TTC23: variants seen among roughly 807,000 people sequenced by gnomAD.
TTC23 encodes the protein tetratricopeptide repeat protein 23.
TTC23 carries 58 observed loss-of-function variants against 55.1 expected under a neutral mutation model. That is an observed-to-expected ratio of 1.05 (90% CI 0.85 to 1.31). The LOEUF (loss-of-function observed/expected upper bound fraction) is 1.31. Ranked by LOEUF, TTC23 falls within the 50% of genes most tolerant of loss-of-function variation. The pLI, the probability that TTC23 is intolerant of heterozygous loss-of-function variation, is 0.00. For synonymous variants in TTC23, 203 were observed against 199.9 expected (o/e 1.02, Z -0.13); for missense variants, 516 against 534.4 (o/e 0.97, Z 0.34).
At chr15:99,233,472 A>C (rs1334426101) in intron 4 of TTC23, among the ~76,000 whole-genome samples, 1 of 152,188 alleles carries the variant, frequency 6.6e-6, no homozygotes, top group Non-Finnish European at 1.5e-5. Context: ...AGCCCAAAAT[A>C]TTAATAAAAA....
In TTC23 at chr15:99,158,822, C is replaced by T. The variant is rs557039915; in HGVS notation, c.994-2525G>A. 15 of 152,584 alleles carry T rather than the reference C, an allele frequency of 9.8e-5. No individual in the cohort carries two copies. The East Asian group carries it at 1.7e-3, about 18-fold the overall frequency. 9.5% of individuals were successfully genotyped at this position (152,584 alleles called of 1,614,324 possible). Reference sequence around the variant, plus strand: ...TTGGCTCCGGGACTGTCCCTGGGCCCGGCCCTTGTTGGCCAACACCTGCTA... The same window carrying T: ...TTGGCTCCGGGACTGTCCCTGGGCCTGGCCCTTGTTGGCCAACACCTGCTA... On this transcript the variant is annotated intron_variant, in intron 11 of 13. Coordinates refer to ENST00000394132, the MANE Select transcript of TTC23 (RefSeq NM_001288615.3).
At chr15:99,172,333 T>C (rs1225478317) in intron 10 of TTC23, among the ~76,000 whole-genome samples, 2 of 152,186 alleles carry the variant, frequency 1.3e-5, no homozygotes, top group Non-Finnish European at 2.9e-5. Context: ...TCTGAGTGCA[T>C]GTCACCGAAT....
intron 9 of TTC23, among the ~76,000 whole-genome samples, chr15:99,185,868 T>C (rs2074613298): frequency 6.6e-6 from 1 of 152,230 alleles, no homozygotes. Context: ...TTTATTTTTC[T>C]TCATTTTAAT....
intron 11 of TTC23, 108 bp downstream of exon 11, chr15:99,161,632 A>G (rs922866736): frequency 3.5e-5 from 46 of 1,305,882 alleles, no homozygotes; most frequent in Non-Finnish European, 4.7e-5. Flanking sequence ...AGAGACTGGC[A>G]CATGCTTTGC....
chr15:99,150,090 C>T lies in TTC23; in HGVS notation c.1143+6058G>A, dbSNP rs1023412106. 6.6e-5 allele frequency among the ~76,000 whole-genome samples: 10 copies of T among 152,212 alleles called. No individual in the cohort carries two copies. The South Asian group carries it at 1.0e-3, about 16-fold the overall frequency. On this transcript the variant is annotated intron_variant, in intron 12 of 13. Transcript: ENST00000394132. Reference sequence around the variant, plus strand: ...AGTGGCAGGCAATGCCTTGGCTCTGCGTTTTCCTCTCTCCTGCAGAGGTGC... The same window carrying T: ...AGTGGCAGGCAATGCCTTGGCTCTGTGTTTTCCTCTCTCCTGCAGAGGTGC...
chr15:99,237,889 T>C (rs1321454261), intron 3 of TTC23, among the ~76,000 whole-genome samples: 1 of 152,200 alleles, frequency 6.6e-6, no homozygotes, highest in Non-Finnish European at 1.5e-5. Context: ...CCATTCCTCC[T>C]CTTCAAACTC....
chr15:99,182,443 C>T (rs1377154281), intron 9 of TTC23, among the ~76,000 whole-genome samples: 1 of 152,106 alleles, frequency 6.6e-6, no homozygotes, highest in African/African-American at 2.4e-5. Context: ...TTTATGTTTC[C>T]TCTTCTGTAA....
At chr15:99,200,863 T>C (rs142033955) in intron 8 of TTC23, among the ~76,000 whole-genome samples, 4 of 152,354 alleles carry the variant, frequency 2.6e-5, no homozygotes, top group African/African-American at 9.6e-5. Flanking sequence ...TTACAGTAAG[T>C]ACATCTATAC....
At chr15:99,180,605 C>G (rs1483709605) in intron 9 of TTC23, among the ~76,000 whole-genome samples, 1 of 152,200 alleles carries the variant, frequency 6.6e-6, no homozygotes, top group Non-Finnish European at 1.5e-5. Context: ...AGAGACACTT[C>G]TATTTCTGCA....
intron 8 of TTC23, 141 bp from the exon 9 acceptor site, chr15:99,200,237 G>C (rs1241237284): frequency 1.4e-6 from 1 of 731,696 alleles, no homozygotes; most frequent in Non-Finnish European, 2.0e-6. Context: ...TTTCCTCCAA[G>C]AGCCAGCAGG....
intron 3 of TTC23, among the ~76,000 whole-genome samples, chr15:99,241,109 GA>G (rs2079752625): frequency 6.6e-6 from 1 of 152,152 alleles, no homozygotes. Context: ...CTGAGGTCGG[GA>G]GTTCGAGGCC....
intron 8 of TTC23, among the ~76,000 whole-genome samples, chr15:99,212,645 T>C (rs890368037): frequency 2.6e-5 from 4 of 152,128 alleles, no homozygotes; most frequent in African/African-American, 9.7e-5. Context: ...GCTGTTGCGA[T>C]GGGCACCATA....
intron 9 of TTC23, among the ~76,000 whole-genome samples, chr15:99,191,926 C>T (rs1435234379): frequency 6.6e-6 from 1 of 152,156 alleles, no homozygotes; most frequent in African/African-American, 2.4e-5. Flanking sequence ...CAATACAGTC[C>T]AGGCTGAGGT....
In TTC23 at chr15:99,219,175, T is replaced by A. The variant is rs1567517782; in HGVS notation, c.305-127A>T. ...TTGTCAAATGACACATGGAGACGTA[T>A]CTGGGCAGCATGAAACACTGCCATG... On this transcript the variant is annotated intron_variant, in intron 6 of 13. Coordinates refer to ENST00000394132, the MANE Select transcript of TTC23 (RefSeq NM_001288615.3). 22 of 1,060,118 alleles carry A rather than the reference T, an allele frequency of 2.1e-5. 1 individual carries two copies. The South Asian group carries it at 3.8e-4, about 18-fold the overall frequency. 65.7% of individuals were successfully genotyped at this position (1,060,118 alleles called of 1,614,324 possible). A position where few individuals can be genotyped will look rare whatever the true frequency, so the allele number is the denominator to read the frequency against.
chr15:99,182,248 TCACACACACACA>T (rs56223763), intron 9 of TTC23, among the ~76,000 whole-genome samples: 2 of 108,692 alleles, frequency 1.8e-5, no homozygotes, highest in East Asian at 2.8e-4. Flanking sequence ...TCTCTCTCTC[TCACACACACACA>T]CACACACACA....
chr15:99,242,269 A>G (rs1265059444), intron 2 of TTC23, among the ~76,000 whole-genome samples: 1 of 152,166 alleles, frequency 6.6e-6, no homozygotes, highest in African/African-American at 2.4e-5. Flanking sequence ...AAGATAAAAA[A>G]TACCAAAAAA....
rs559153095 is a variant in TTC23, at chr15:99,219,138, C to T, written c.305-90G>A. ...TTATGGTCTGGGAATCTAACAAGGT[C>T]TCCTTCACATATTGTCAAATGACAC... On this transcript the variant is annotated intron_variant, in intron 6 of 13. Coordinates refer to ENST00000394132, the MANE Select transcript of TTC23 (RefSeq NM_001288615.3). 476 of 1,434,934 alleles carry T rather than the reference C, an allele frequency of 3.3e-4. 3 individuals are homozygous for T. In the Middle Eastern group the frequency reaches 8.8e-3, roughly 27 times the overall value. 88.9% of individuals were successfully genotyped at this position (1,434,934 alleles called of 1,614,324 possible).
At chr15:99,194,552 CAAAAAAAAAAAAAA>C (rs760038465) in intron 9 of TTC23, among the ~76,000 whole-genome samples, 6 of 40,456 alleles carry the variant, frequency 1.5e-4, no homozygotes, top group Non-Finnish European at 2.5e-4. Context: ...ACATCACGTG[CAAAAAAAAAAAAAA>C]AAAAAAAAAG....
rs1396221413 is a variant in TTC23 at position 99,139,716 on chromosome 15, C to A, written c.1144-317G>T. On this transcript the variant is annotated intron_variant, in intron 12 of 13. Coordinates refer to ENST00000394132, the MANE Select transcript of TTC23 (RefSeq NM_001288615.3). ...CTGACCAGAGGATGGGCTCCAGTTTCTATTTTTAAATGTGGCCCTTGTTAT... is the reference window on the plus strand; with the variant it reads ...CTGACCAGAGGATGGGCTCCAGTTTATATTTTTAAATGTGGCCCTTGTTAT... 8 of 1,355,746 alleles carry A rather than the reference C, an allele frequency of 5.9e-6. No homozygotes were observed. The Admixed American group carries it at 1.6e-4, about 26-fold the overall frequency. 84.0% of individuals were successfully genotyped at this position (1,355,746 alleles called of 1,614,324 possible). A position where few individuals can be genotyped will look rare whatever the true frequency, so the allele number is the denominator to read the frequency against.
Sources: allele counts gnomAD v4.1 joint callset (sites outside exome capture counted in the v4.1 genomes callset), GRCh38; gene constraint gnomAD v4.1.1; transcripts MANE v1.5; gene names NCBI Gene and HGNC (gene_info 2026-07-23, HGNC 2026-07-21).